LMLN: variants seen among roughly 807,000 people sequenced by gnomAD.
The protein encoded by LMLN is leishmanolysin like peptidase, also known as leishmanolysin-like peptidase.
Under a neutral mutation model 92.3 loss-of-function variants are expected in LMLN, and 70 were observed. That is an observed-to-expected ratio of 0.76 (90% CI 0.63 to 0.92). The LOEUF is 0.92. Ranked by LOEUF, LMLN falls within the 40% of genes least tolerant of loss-of-function variation. The pLI is 0.00. For synonymous variants in LMLN, 308 were observed against 296.2 expected (o/e 1.04, Z -0.41); for missense variants, 691 against 814.6 (o/e 0.85, Z 1.85).
At chr3:198,007,559 C>T (rs2109911990) in intron 11 of LMLN, among the ~76,000 whole-genome samples, 1 of 152,306 alleles carries the variant, frequency 6.6e-6, no homozygotes. Flanking sequence ...TGTGTCCATG[C>T]CTTCACCAAT....
intron 11 of LMLN, among the ~76,000 whole-genome samples, chr3:198,010,120 A>G (rs1722393148): frequency 6.6e-6 from 1 of 151,366 alleles, no homozygotes; most frequent in Non-Finnish European, 1.5e-5. Flanking sequence ...TATCTTTCCC[A>G]CTGCTTGTTT....
At position 198,019,976 on chromosome 3, in the gene LMLN, T is replaced by G. The variant is rs1722736797; in HGVS notation, c.1365+591T>G. Among the ~76,000 whole-genome samples the G allele has an allele frequency of 6.6e-6, 1 of 152,186 alleles. No homozygotes were observed. The highest frequency in any genetic ancestry group is 6.5e-5 in the Admixed American group (1 of 15,282). ...ACCAGATTCAAGCGATTCTTGTGCCTCAGCCTCCCGAGTAGCTGGGTTTAC... is the reference window on the plus strand; with the variant it reads ...ACCAGATTCAAGCGATTCTTGTGCCGCAGCCTCCCGAGTAGCTGGGTTTAC... On this transcript the variant is annotated intron_variant, in intron 12 of 15. Transcript: ENST00000330198. This position sits in a 1 kb window ranked among gnomAD's most constrained non-coding sequence, Gnocchi z 5.5.
intron 9 of LMLN, among the ~76,000 whole-genome samples, chr3:197,990,977 TATTAGTCAAGGTTCTCCAGAGA>T (rs1415430980): frequency 2.6e-5 from 4 of 152,206 alleles, no homozygotes; most frequent in Non-Finnish European, 4.4e-5. Context: ...TTGGTGTCTG[TATTAGTCAAGGTTCTCCAGAGA>T]AACAGAACCA....
At chr3:198,021,376 G>T in intron 12 of LMLN, 70 bp from the exon 14 acceptor site, 1 of 1,396,138 alleles carries the variant, frequency 7.2e-7, no homozygotes, top group Non-Finnish European at 1.0e-6. Flanking sequence ...GCGAGAAATT[G>T]CCTGTGCACT....
intron 7 of LMLN, among the ~76,000 whole-genome samples, chr3:197,984,614 C>A (rs573893355): frequency 2.0e-5 from 3 of 151,480 alleles, no homozygotes; most frequent in Non-Finnish European, 2.9e-5. Flanking sequence ...CTACACTTGG[C>A]TAATTTTTTT....
exon 16 of LMLN, chr3:198,040,138 T>A (rs1723359090): frequency 6.6e-6 from 1 of 152,140 alleles, no homozygotes; most frequent in South Asian, 2.1e-4. Context: ...CATCTGAAAA[T>A]GGTTTTATGT....
intron 13 of LMLN, among the ~76,000 whole-genome samples, chr3:198,023,329 C>T (rs1031886109): frequency 3.3e-5 from 5 of 152,058 alleles, no homozygotes; most frequent in Non-Finnish European, 7.4e-5. Flanking sequence ...GCCAGGACTA[C>T]AGGCATGCAC....
chr3:198,038,267 C>T (rs1446438166), intron 15 of LMLN: 1 of 306,128 alleles, frequency 3.3e-6, no homozygotes. Context: ...GTTCTTCACC[C>T]CATCTCAGAA....
At chr3:198,036,858 C>CA (rs1370202903) in intron 15 of LMLN, among the ~76,000 whole-genome samples, 1 of 152,156 alleles carries the variant, frequency 6.6e-6, no homozygotes, top group Non-Finnish European at 1.5e-5. Flanking sequence ...AAATCTTATG[C>CA]AATGTTTCAT....
chr3:198,022,582 G>T (rs754906937), intron 13 of LMLN, among the ~76,000 whole-genome samples: 2 of 152,202 alleles, frequency 1.3e-5, no homozygotes, highest in South Asian at 2.1e-4. Context: ...CTGGCCAGGC[G>T]CAGTGGCTCA....
Position 197,983,782 on chromosome 3 carries a change from G to C in LMLN, c.729-161G>C, listed in dbSNP as rs116460859. On this transcript the variant is annotated intron_variant, in intron 6 of 15. Transcript: ENST00000330198. ...GGTTGATTTGCCATGCCATAGGAAA[G>C]CAGAGGATACATGTCTTAAAAGTAA... is the stretch of plus-strand genomic sequence containing the variant. 4.2e-3 allele frequency among the ~76,000 whole-genome samples: 643 copies of C among 152,294 alleles called. 2 individuals carry two copies. Among genetic ancestry groups the C allele is most frequent in the African/African-American group, 0.015 (622 of 41,552 alleles).
chr3:197,985,360 C>G (rs966416582), intron 7 of LMLN, among the ~76,000 whole-genome samples: 2 of 150,976 alleles, frequency 1.3e-5, no homozygotes, highest in African/African-American at 4.9e-5. Flanking sequence ...CTTTAAAACG[C>G]AGACAGACTT....
intron 7 of LMLN, 129 bp downstream of exon 7, chr3:197,984,177 T>C: frequency 1.9e-6 from 1 of 537,402 alleles, no homozygotes; most frequent in Admixed American, 3.3e-5. Context: ...ACATGTACCC[T>C]AAAACTTAAA....
intron 6 of LMLN, among the ~76,000 whole-genome samples, chr3:197,982,361 G>A (rs1317942576): frequency 6.6e-6 from 1 of 150,580 alleles, no homozygotes; most frequent in African/African-American, 2.5e-5. Flanking sequence ...GAGTAGCGGC[G>A]ACTACAGGTG....
intron 10 of LMLN, 90 bp downstream of exon 10, chr3:197,996,372 A>G: frequency 1.2e-6 from 1 of 809,366 alleles, no homozygotes; most frequent in Non-Finnish European, 1.9e-6. Flanking sequence ...TATAAACTGA[A>G]AAATGTTTAC....
At chr3:197,990,066 A>AT (rs1721821958) in intron 8 of LMLN, among the ~76,000 whole-genome samples, 1 of 150,390 alleles carries the variant, frequency 6.6e-6, no homozygotes. Context: ...ATTTTATTTT[A>AT]TTTATTTTGT....
intron 8 of LMLN, among the ~76,000 whole-genome samples, chr3:197,989,510 G>A (rs1238037784): frequency 2.6e-5 from 4 of 152,028 alleles, no homozygotes; most frequent in Non-Finnish European, 5.9e-5. Flanking sequence ...AATTAATATG[G>A]CATTTTGTTG....
chr3:198,015,481 C>T (rs914145631), intron 11 of LMLN, among the ~76,000 whole-genome samples: 2 of 140,984 alleles, frequency 1.4e-5, no homozygotes, highest in Non-Finnish European at 3.1e-5. Context: ...AGTCCCCTAA[C>T]TAGTCTGACT....
intron 5 of LMLN, among the ~76,000 whole-genome samples, chr3:197,977,613 A>G (rs1010985124): frequency 2.0e-4 from 31 of 152,062 alleles, no homozygotes; most frequent in Admixed American, 1.1e-3. Flanking sequence ...TTATCAAACA[A>G]TCTGGAAGCA....
Sources: gnomAD v4.1 joint callset for allele counts (sites outside exome capture counted in the v4.1 genomes callset) on GRCh38, gnomAD v4.1.1 for gene constraint, Gnocchi (gnomAD v3.1) non-coding constraint, MANE v1.5 for transcripts, NCBI Gene and HGNC (gene_info 2026-07-23, HGNC 2026-07-21) for gene names.